The following SYT11 variants were observed in gnomAD, a reference collection of about 807,000 sequenced individuals.
SYT11 encodes the protein synaptotagmin 11.
A neutral mutation model predicts 30.4 loss-of-function variants in SYT11; 12 were observed. The ratio of observed to expected loss-of-function variants is 0.39; its 90% CI spans 0.25 to 0.64. SYT11 has a LOEUF of 0.64. SYT11 is among the 30% of genes least tolerant of loss of function. The pLI, the probability that SYT11 is intolerant of heterozygous loss-of-function variation, is 0.45. For synonymous variants in SYT11, 204 were observed against 216.0 expected, an observed-to-expected ratio of 0.94 and a Z score of 0.49; for missense variants, 412 against 552.0, an observed-to-expected ratio of 0.75 and a Z score of 2.54.
intron 2 of SYT11, among the ~76,000 whole-genome samples, chr1:155,879,185 G>A (rs1210102700): frequency 6.6e-6 from 1 of 152,154 alleles, no homozygotes; most frequent in African/African-American, 2.4e-5. Context: ...GGGAGGCCGA[G>A]GTAGACAGAT....
intron 1 of SYT11, among the ~76,000 whole-genome samples, chr1:155,861,190 ACTTATTCCACAAGGC>A (rs1436302388): frequency 7.9e-5 from 12 of 152,178 alleles, no homozygotes; most frequent in Non-Finnish European, 1.6e-4. Context: ...ACTTGTTCTC[ACTTATTCCACAAGGC>A]TAAATCTTGA....
At position 155,882,946 on chromosome 1, in the gene SYT11, T is replaced by C. The variant is rs1208314171; in HGVS notation, c.*1438T>C. ...CAGAAGTTCTCCTTAAATTTTTCAA[T>C]AAAAATTTAGCTCTTAAAAAAATAA... On this transcript the variant is annotated 3_prime_UTR_variant, in exon 4 of 4. Transcript: ENST00000368324. The C allele has an allele frequency of 6.6e-6, 1 of 152,316 alleles. No individual in the cohort carries two copies. Among genetic ancestry groups the C allele is most frequent in the African/African-American group, 2.4e-5 (1 of 41,454 alleles). The allele number at this position is 152,316 out of a possible 1,614,324, so 9.4% of individuals were successfully genotyped here. A position where few individuals can be genotyped will look rare whatever the true frequency, so the allele number is the denominator to read the frequency against.
intron 1 of SYT11, 128 bp downstream of exon 1, chr1:155,859,923 G>A (rs1160863777): frequency 2.2e-6 from 2 of 920,882 alleles, no homozygotes; most frequent in Non-Finnish European, 3.6e-6. Context: ...CTAAAATCGG[G>A]CCTGTGGTGG....
In SYT11 at chr1:155,868,898, G is replaced by A. The variant is rs1672736508; in HGVS notation, c.861+107G>A. 8 of 1,067,286 alleles carry A rather than the reference G, an allele frequency of 7.5e-6. No individual in the cohort carries two copies. In the South Asian group the frequency reaches 1.3e-4, roughly 17 times the overall value. 66.1% of individuals were successfully genotyped at this position (1,067,286 alleles called of 1,614,324 possible). The stretch of plus-strand genomic sequence containing the variant: ...GTGGGTTGGGTGGCAAAGAAGGGCT[G>A]TAGAGAGGAAGCTCTTGGATGTCAA... On this transcript the variant is annotated intron_variant, in intron 2 of 3. Coordinates refer to ENST00000368324, the MANE Select transcript of SYT11 (RefSeq NM_152280.5). The surrounding 1 kb of genome is among the most constrained non-coding windows in gnomAD (Gnocchi z 4.7).
At chr1:155,866,120 T>TA (rs1672670073) in intron 1 of SYT11, among the ~76,000 whole-genome samples, 1 of 148,188 alleles carries the variant, frequency 6.7e-6, no homozygotes, top group Non-Finnish European at 1.5e-5. Context: ...TTTTTTCTTT[T>TA]TTTTTTTTTT....
intron 2 of SYT11, among the ~76,000 whole-genome samples, chr1:155,872,890 G>A (rs1224944144): frequency 1.3e-5 from 2 of 152,132 alleles, no homozygotes; most frequent in Non-Finnish European, 2.9e-5. Flanking sequence ...GATGGCACAA[G>A]GTGAAGGAGG....
intron 1 of SYT11, 125 bp downstream of exon 1, chr1:155,859,920 C>T (rs1329085156): frequency 2.1e-6 from 2 of 965,168 alleles, no homozygotes; most frequent in African/African-American, 1.6e-5. Context: ...CCACTAAAAT[C>T]GGGCCTGTGG....
intron 2 of SYT11, among the ~76,000 whole-genome samples, chr1:155,869,235 A>C (rs902074695): frequency 3.6e-5 from 5 of 140,250 alleles, no homozygotes; most frequent in Non-Finnish European, 6.2e-5. Flanking sequence ...ACCCTAACCT[A>C]GGGGTGTAAA....
intron 2 of SYT11, 107 bp from the exon 3 acceptor site, chr1:155,880,393 A>G: frequency 1.5e-6 from 2 of 1,358,680 alleles, no homozygotes; most frequent in Non-Finnish European, 9.9e-7. Flanking sequence ...AAAACTTATC[A>G]TCCCTGCACT....
rs535532106 is a variant in SYT11 at position 155,860,735 on chromosome 1, C to T, written c.34+940C>T. ...TGGGCTCCAAGATTAGTTTTACACT[C>T]TCTGGAGCAGAAAGTGGAGTGGAAA... On this transcript the variant is annotated intron_variant, in intron 1 of 3. Coordinates refer to ENST00000368324, the MANE Select transcript of SYT11 (RefSeq NM_152280.5). This position sits in a 1 kb window ranked among gnomAD's most constrained non-coding sequence, Gnocchi z 4.1. Among the ~76,000 whole-genome samples, 40 of 152,196 alleles carry T rather than the reference C, an allele frequency of 2.6e-4. No individual in the cohort carries two copies. The highest frequency in any genetic ancestry group is 4.6e-4 in the Non-Finnish European group (31 of 68,042).
intron 1 of SYT11, among the ~76,000 whole-genome samples, chr1:155,863,927 A>G (rs533495284): frequency 6.6e-6 from 1 of 152,212 alleles, no homozygotes; most frequent in East Asian, 1.9e-4. Flanking sequence ...CAAAAAAAAA[A>G]AAAATTAACC....
chr1:155,879,946 C>T (rs923017829), intron 2 of SYT11, among the ~76,000 whole-genome samples: 1 of 152,142 alleles, frequency 6.6e-6, no homozygotes, highest in Non-Finnish European at 1.5e-5. Flanking sequence ...GTAATCCCAG[C>T]ATTTTGGGAG....
chr1:155,883,094 G>C lies in SYT11; in HGVS notation c.*1586G>C, dbSNP rs1557952196. 1 of 152,334 alleles carries C rather than the reference G, an allele frequency of 6.6e-6. No homozygotes were observed. Among genetic ancestry groups the C allele is most frequent in the Non-Finnish European group, 1.5e-5 (1 of 68,032 alleles). 9.4% of individuals were successfully genotyped at this position (152,334 alleles called of 1,614,324 possible). A position where few individuals can be genotyped will look rare whatever the true frequency, so the allele number is the denominator to read the frequency against. ...TGGTGGAGGGATGGAGGAACTACAG[G>C]ATGCAATTCTTCTTCTACCAATGGG... On this transcript the variant is annotated 3_prime_UTR_variant, in exon 4 of 4. Coordinates refer to ENST00000368324, the MANE Select transcript of SYT11 (RefSeq NM_152280.5).
intron 1 of SYT11, among the ~76,000 whole-genome samples, chr1:155,866,451 A>G (rs1260686532): frequency 6.6e-6 from 1 of 152,236 alleles, no homozygotes; most frequent in Non-Finnish European, 1.5e-5. Flanking sequence ...TCCAACACAT[A>G]GTGCCTGCTA....
rs778211640 is a variant in SYT11, at chr1:155,881,352, C to T, written c.1140C>T (p.Leu380=). 7.4e-6 allele frequency: 12 copies of T among 1,614,062 alleles called. No individual in the cohort carries two copies. Among genetic ancestry groups the T allele is most frequent in the Admixed American group, 5.0e-5 (3 of 60,002 alleles). ...TGCCTGATATCAGCATCGAGTTCCT[C>T]GTTATCGACTTCGATCGCACCACCA... ...DLLPDISIEF[L]VIDFDRTTKN... is the part of the protein sequence containing the mutation. The change falls in exon 4 of 4, where the codon CTC becomes CTT. Residue 380 remains leucine, a synonymous_variant. Coordinates refer to ENST00000368324, the MANE Select transcript of SYT11 (RefSeq NM_152280.5).
At chr1:155,870,332 T>C (rs1013348009) in intron 2 of SYT11, among the ~76,000 whole-genome samples, 3 of 152,232 alleles carry the variant, frequency 2.0e-5, no homozygotes, top group African/African-American at 7.2e-5. Flanking sequence ...TGATTTTATA[T>C]AGCTACTAGG....
intron 1 of SYT11, among the ~76,000 whole-genome samples, chr1:155,865,880 C>G (rs1014085273): frequency 6.6e-6 from 1 of 151,882 alleles, no homozygotes; most frequent in Admixed American, 6.6e-5. Flanking sequence ...TGGGGTTTTG[C>G]CATGTTGCCC....
At position 155,868,104 on chromosome 1, in the gene SYT11, G is replaced by T; in HGVS notation, c.174G>T (p.Met58Ile). 1 of 1,614,154 alleles carries T rather than the reference G, an allele frequency of 6.2e-7. No individual in the cohort carries two copies. Among genetic ancestry groups the T allele is most frequent in the Non-Finnish European group, 8.5e-7 (1 of 1,180,032 alleles). ...QKNPPYKFIH[M>I]LKGISIYPET... Reference sequence around the variant, plus strand: ...ACCCACCATACAAGTTTATTCACATGCTCAAAGGCATCAGCATATACCCAG... The same window carrying T: ...ACCCACCATACAAGTTTATTCACATTCTCAAAGGCATCAGCATATACCCAG... The change falls in exon 2 of 4, where the codon ATG becomes ATT. Residue 58 changes from methionine (M) to isoleucine (I), a missense_variant. Met to Ile is a conservative substitution (Grantham distance 10, BLOSUM62 1). Transcript: ENST00000368324. The surrounding 1 kb of genome is among the most constrained non-coding windows in gnomAD (Gnocchi z 4.7).
At chr1:155,866,949 CAT>C (rs560699588) in intron 1 of SYT11, among the ~76,000 whole-genome samples, 20 of 144,406 alleles carry the variant, frequency 1.4e-4, no homozygotes, top group Non-Finnish European at 2.6e-4. Context: ...TATACACACA[CAT>C]ATACATATAT....
Sources: allele counts gnomAD v4.1 joint callset (sites outside exome capture counted in the v4.1 genomes callset), GRCh38; gene constraint gnomAD v4.1.1; non-coding constraint Gnocchi (gnomAD v3.1); transcripts MANE v1.5; gene names NCBI Gene and HGNC (gene_info 2026-07-23, HGNC 2026-07-21).